The following BLTP3B variants were observed in gnomAD, a reference collection of about 807,000 sequenced individuals.
BLTP3B encodes the protein bridge-like lipid transfer protein family member 3B.
At chr12:100,104,650 G>A in the BLTP3B span, among the ~76,000 whole-genome samples, 376 of 151,430 alleles carry the variant, frequency 2.5e-3, 1 homozygote, top group African/African-American at 8.7e-3. Flanking sequence ...AAATACAAAA[G>A]TTCGGCCATT....
chr12:100,077,373 T>C, the BLTP3B span, among the ~76,000 whole-genome samples: 5 of 152,258 alleles, frequency 3.3e-5, no homozygotes, highest in African/African-American at 7.2e-5. Flanking sequence ...TTAATGATGT[T>C]AAGCAACACA....
At chr12:100,085,227 A>C in the BLTP3B span, among the ~76,000 whole-genome samples, 1 of 152,064 alleles carries the variant, frequency 6.6e-6, no homozygotes, top group Non-Finnish European at 1.5e-5. Flanking sequence ...AGACAATAAA[A>C]TCAGGCCAGG....
the BLTP3B span, chr12:100,102,971 G>A: frequency 2.9e-6 from 2 of 681,378 alleles, no homozygotes; most frequent in East Asian, 3.3e-5. Context: ...AGTAAAAAGT[G>A]AGCAGAGTCA....
At chr12:100,082,739 C>T in the BLTP3B span, among the ~76,000 whole-genome samples, 1 of 145,784 alleles carries the variant, frequency 6.9e-6, no homozygotes, top group East Asian at 1.9e-4. Flanking sequence ...TAATCTGTTC[C>T]ATTGGTCTAT....
At chr12:100,112,858 C>CAAAA in the BLTP3B span, among the ~76,000 whole-genome samples, 7 of 60,614 alleles carry the variant, frequency 1.2e-4, no homozygotes, top group East Asian at 1.7e-3. Flanking sequence ...GACTCCATCT[C>CAAAA]AAAAAAAAAA....
the BLTP3B span, among the ~76,000 whole-genome samples, chr12:100,042,949 G>A: frequency 6.6e-5 from 10 of 151,980 alleles, no homozygotes; most frequent in Admixed American, 2.0e-4. Flanking sequence ...ACAGATGTGC[G>A]CCAAGACACC....
At chr12:100,055,703 C>T in the BLTP3B span, among the ~76,000 whole-genome samples, 1 of 140,338 alleles carries the variant, frequency 7.1e-6, no homozygotes, top group Non-Finnish European at 1.6e-5. Context: ...AAAAGAATAA[C>T]AAGAAAGACA....
At chr12:100,099,031 C>T in the BLTP3B span, among the ~76,000 whole-genome samples, 4 of 151,676 alleles carry the variant, frequency 2.6e-5, no homozygotes, top group Admixed American at 2.6e-4. Context: ...TCAACTCTGT[C>T]GCCCAGGCTG....
At chr12:100,104,621 T>C in the BLTP3B span, among the ~76,000 whole-genome samples, 12 of 151,950 alleles carry the variant, frequency 7.9e-5, no homozygotes, top group Non-Finnish European at 4.4e-5. Flanking sequence ...TGAGCAATCA[T>C]TTTGTAAATA....
chr12:100,080,952 T>C, the BLTP3B span, among the ~76,000 whole-genome samples: 1 of 152,140 alleles, frequency 6.6e-6, no homozygotes, highest in Non-Finnish European at 1.5e-5. Flanking sequence ...GGTGATTGAA[T>C]TATGGGGGTG....
the BLTP3B span, among the ~76,000 whole-genome samples, chr12:100,128,361 G>C: frequency 1.3e-5 from 2 of 151,950 alleles, no homozygotes; most frequent in African/African-American, 4.8e-5. Flanking sequence ...TATTAGAAAA[G>C]ACACTGACTA....
At chr12:100,137,659 C>T in the BLTP3B span, among the ~76,000 whole-genome samples, 2 of 152,094 alleles carry the variant, frequency 1.3e-5, no homozygotes, top group East Asian at 3.9e-4. Context: ...TTTGTAGACT[C>T]CGTATTTCCA....
the BLTP3B span, among the ~76,000 whole-genome samples, chr12:100,067,113 A>T: frequency 6.6e-6 from 1 of 152,300 alleles, no homozygotes; most frequent in South Asian, 2.1e-4. Flanking sequence ...TGAAATCAAG[A>T]TGGAAATTAA....
At chr12:100,102,312 G>A in the BLTP3B span, among the ~76,000 whole-genome samples, 11 of 151,596 alleles carry the variant, frequency 7.3e-5, no homozygotes, top group East Asian at 5.9e-4. Flanking sequence ...GGGTTTCACC[G>A]TTTTGCCCAG....
the BLTP3B span, chr12:100,047,603 T>C: frequency 1.9e-6 from 3 of 1,613,442 alleles, no homozygotes; most frequent in Admixed American, 1.7e-5. Flanking sequence ...CAGGAGCTGG[T>C]TCAAGGGATA....
At chr12:100,080,415 C>T in the BLTP3B span, among the ~76,000 whole-genome samples, 10,378 of 151,350 alleles carry the variant, frequency 0.069, 389 homozygotes, top group South Asian at 0.089. Flanking sequence ...CACAGTGGCG[C>T]GATCTCAGCT....
the BLTP3B span, among the ~76,000 whole-genome samples, chr12:100,070,780 G>A: frequency 6.6e-6 from 1 of 152,016 alleles, no homozygotes; most frequent in Non-Finnish European, 1.5e-5. Flanking sequence ...GATCATTTGA[G>A]GCCTAGAGCT....
the BLTP3B span, among the ~76,000 whole-genome samples, chr12:100,100,205 T>C: frequency 1.3e-5 from 2 of 151,920 alleles, no homozygotes; most frequent in Non-Finnish European, 1.5e-5. Context: ...CTCGGGAGGC[T>C]GAGCTGAGAG....
chr12:100,086,721 T>C, the BLTP3B span, among the ~76,000 whole-genome samples: 1 of 152,176 alleles, frequency 6.6e-6, no homozygotes, highest in East Asian at 1.9e-4. Flanking sequence ...CCGCATTTGA[T>C]AGGTACAATC....
Sources: allele counts gnomAD v4.1 joint callset (sites outside exome capture counted in the v4.1 genomes callset), GRCh38; gene constraint gnomAD v4.1.1; transcripts MANE v1.5; gene names NCBI Gene and HGNC (gene_info 2026-07-23, HGNC 2026-07-21).